The following PYM1 variants were observed in gnomAD, a reference collection of about 807,000 sequenced individuals.
PYM1 encodes partner of Y14 and mago.
PYM1 carries 7 observed loss-of-function variants against 20.7 expected under a neutral mutation model. That is an observed-to-expected ratio of 0.34 (90% confidence interval 0.19 to 0.64). The LOEUF (loss-of-function observed/expected upper bound fraction) is 0.64, where lower values mean the gene tolerates loss of function less well. Among genes scored for constraint, PYM1 ranks in the 30% least tolerant of loss-of-function variants. PYM1 has a pLI of 0.74. For synonymous variants in PYM1, 100 were observed against 99.2 expected, an observed-to-expected ratio of 1.01 and a Z score of -0.05; for missense variants, 194 against 250.0, an observed-to-expected ratio of 0.78 and a Z score of 1.51.
At chr12:55,908,938 T>C (rs1882873116) in intron 1 of PYM1, among the ~76,000 whole-genome samples, 1 of 152,086 alleles carries the variant, frequency 6.6e-6, no homozygotes, top group South Asian at 2.1e-4. Flanking sequence ...AGAAAAATCA[T>C]GAGCAAAGGG....
At chr12:55,913,482 A>C (rs535740578) in intron 1 of PYM1, among the ~76,000 whole-genome samples, 1 of 152,354 alleles carries the variant, frequency 6.6e-6, no homozygotes, top group Non-Finnish European at 1.5e-5. Context: ...CTTAAGCTGT[A>C]GAATACTGAT....
Position 55,905,962 on chromosome 12 carries a change from A to ATT in PYM1, c.38-2483_38-2482insAA, listed in dbSNP as rs60268872. ...GATATATATATTATTATATATATCT[A>ATT]ATAGATATATATATTATTATATATA... is the stretch of plus-strand genomic sequence containing the variant. On this transcript the variant is annotated intron_variant, in intron 1 of 2. Transcript: ENST00000408946. Among the ~76,000 whole-genome samples the ATT allele has an allele frequency of 3.7e-4, 46 of 124,870 alleles. 4 individuals carry two copies. Among genetic ancestry groups the ATT allele is most frequent in the African/African-American group, 1.3e-3 (40 of 29,954 alleles). The allele number at this position is 124,870 out of a possible 152,430, so 81.9% of individuals were successfully genotyped here.
rs767599235 is a variant in PYM1, at chr12:55,924,079, G to GA, written c.37+3645dup. The stretch of plus-strand genomic sequence containing the variant: ...CGACAGAGTGAGACTCTGTCTCAAA[G>GA]AAAAAAAAAAAAAGAAACGATACAA... On this transcript the variant is annotated intron_variant, in intron 1 of 2. Transcript: ENST00000408946. Among the ~76,000 whole-genome samples, 191 of 123,692 alleles carry GA rather than the reference G, an allele frequency of 1.5e-3. No individual in the cohort carries two copies. The South Asian group carries it at 0.019, about 12-fold the overall frequency. 81.1% of individuals were successfully genotyped at this position (123,692 alleles called of 152,430 possible). A position where few individuals can be genotyped will look rare whatever the true frequency, so the allele number is the denominator to read the frequency against.
chr12:55,906,151 GT>G (rs1170889792), intron 1 of PYM1, among the ~76,000 whole-genome samples: 22 of 139,144 alleles, frequency 1.6e-4, no homozygotes, highest in Middle Eastern at 3.8e-3. Flanking sequence ...GTTTGTCAGT[GT>G]TTTTTTTTTT....
At chr12:55,922,752 A>G (rs1485311427) in intron 1 of PYM1, among the ~76,000 whole-genome samples, 1 of 152,210 alleles carries the variant, frequency 6.6e-6, no homozygotes, top group African/African-American at 2.4e-5. Context: ...TGAGAAATAC[A>G]TCAGACAAAT....
Position 55,901,829 on chromosome 12 carries a change from C to G in PYM1, c.*43G>C. 6.4e-7 allele frequency: 1 copy of G among 1,551,638 alleles called. No individual in the cohort carries two copies. Among genetic ancestry groups the G allele is most frequent in the Non-Finnish European group, 8.7e-7 (1 of 1,152,024 alleles). On this transcript the variant is annotated 3_prime_UTR_variant, in exon 3 of 3. Coordinates refer to ENST00000408946, the MANE Select transcript of PYM1 (RefSeq NM_032345.3). Reference sequence around the variant, plus strand: ...CGTATTCCCCCAGACCCCAGAGAGCCCCACGGTTTGTTCTGCAGTCCATTC... The same window carrying G: ...CGTATTCCCCCAGACCCCAGAGAGCGCCACGGTTTGTTCTGCAGTCCATTC...
At chr12:55,912,224 T>C (rs1274639457) in intron 1 of PYM1, among the ~76,000 whole-genome samples, 1 of 151,376 alleles carries the variant, frequency 6.6e-6, no homozygotes, top group Non-Finnish European at 1.5e-5. Flanking sequence ...TGGTGGTGCA[T>C]GCCTGTAGTC....
intron 1 of PYM1, chr12:55,913,868 A>G (rs1882964075): frequency 6.4e-6 from 1 of 155,640 alleles, no homozygotes; most frequent in Admixed American, 6.4e-5. Context: ...TGTGCCAGAC[A>G]CTGTAACAGA....
chr12:55,902,445 C>T, intron 2 of PYM1, 90 bp from the exon 3 acceptor site: 2 of 1,483,562 alleles, frequency 1.3e-6, no homozygotes, highest in Admixed American at 2.3e-5. Context: ...ATCCTCATTA[C>T]ATTCTTGCTT....
chr12:55,916,243 G>C (rs907291562), intron 1 of PYM1, among the ~76,000 whole-genome samples: 12 of 150,970 alleles, frequency 7.9e-5, no homozygotes, highest in African/African-American at 2.9e-4. Context: ...GCTGAGACAG[G>C]AGAATTGCTT....
At chr12:55,913,338 G>A (rs1882956358) in intron 1 of PYM1, among the ~76,000 whole-genome samples, 1 of 152,194 alleles carries the variant, frequency 6.6e-6, no homozygotes. Context: ...ATGAATAAAT[G>A]TGAGTATCTC....
intron 1 of PYM1, among the ~76,000 whole-genome samples, chr12:55,920,278 G>A (rs1314317765): frequency 1.3e-5 from 2 of 152,014 alleles, no homozygotes; most frequent in Non-Finnish European, 2.9e-5. Flanking sequence ...CAAGGTGAGA[G>A]GATCACTTGA....
intron 1 of PYM1, among the ~76,000 whole-genome samples, chr12:55,919,466 ATTTAT>A (rs1883061396): frequency 6.6e-6 from 1 of 152,090 alleles, no homozygotes; most frequent in Non-Finnish European, 1.5e-5. Context: ...TATTTTAGTT[ATTTAT>A]TTTGTGTCAC....
chr12:55,922,988 G>C (rs1350678807), intron 1 of PYM1, among the ~76,000 whole-genome samples: 1 of 152,188 alleles, frequency 6.6e-6, no homozygotes, highest in Non-Finnish European at 1.5e-5. Context: ...CACTTTGGGA[G>C]GCCGAGGTGG....
intron 1 of PYM1, among the ~76,000 whole-genome samples, chr12:55,905,656 T>C (rs1000552715): frequency 1.4e-5 from 2 of 146,940 alleles, no homozygotes; most frequent in Non-Finnish European, 3.0e-5. Context: ...TGAGTGGAGA[T>C]TGCGCCACTG....
intron 1 of PYM1, among the ~76,000 whole-genome samples, chr12:55,909,583 G>GAA (rs748616161): frequency 5.4e-5 from 7 of 129,416 alleles, no homozygotes; most frequent in Non-Finnish European, 1.0e-4. Flanking sequence ...GGGTGACTTG[G>GAA]AAAAAAAAAA....
At chr12:55,927,525 C>T in intron 1 of PYM1, 200 bp downstream of exon 1, 1 of 700,000 alleles carries the variant, frequency 1.4e-6, no homozygotes, top group East Asian at 2.7e-5. Context: ...GATCTCAGAG[C>T]GGCTTGGTGA....
intron 1 of PYM1, among the ~76,000 whole-genome samples, chr12:55,924,077 A>T (rs1407138140): frequency 1.3e-5 from 2 of 151,828 alleles, no homozygotes; most frequent in Non-Finnish European, 2.9e-5. Context: ...CTCTGTCTCA[A>T]AGAAAAAAAA....
chr12:55,906,232 G>A (rs974921384), intron 1 of PYM1, among the ~76,000 whole-genome samples: 2 of 149,850 alleles, frequency 1.3e-5, no homozygotes, highest in African/African-American at 2.5e-5. Context: ...ATCCTACTTC[G>A]GTATGCAGCA....
Sources: gnomAD v4.1 joint callset for allele counts (sites outside exome capture counted in the v4.1 genomes callset) on GRCh38, gnomAD v4.1.1 for gene constraint, MANE v1.5 for transcripts, NCBI Gene and HGNC (gene_info 2026-07-23, HGNC 2026-07-21) for gene names.